Variants in PCDHA6 observed in about 807,000 individuals in gnomAD.
The protein encoded by PCDHA6 is protocadherin alpha 6.
Under a neutral mutation model 60.3 loss-of-function variants are expected in PCDHA6, and 55 were observed. The ratio of observed to expected loss-of-function variants is 0.91; its 90% confidence interval spans 0.73 to 1.14. The LOEUF is 1.14. Among genes scored for constraint, PCDHA6 ranks in the 50% most tolerant of loss-of-function variants. The pLI is 0.00. For missense variants in PCDHA6, 1,327 were observed against 1,256.5 expected (o/e 1.06, Z -0.85); for synonymous variants, 652 against 557.9 (o/e 1.17, Z -2.38).
At chr5:140,883,519 C>T (rs1554178517) in intron 1 of PCDHA6, 12 of 1,614,190 alleles carry the variant, frequency 7.4e-6, no homozygotes, top group Non-Finnish European at 1.0e-5. Flanking sequence ...ACCGCGAGAG[C>T]GTATCAGCCT....
intron 3 of PCDHA6, among the ~76,000 whole-genome samples, chr5:140,987,154 C>T (rs1404083891): frequency 6.6e-6 from 1 of 150,704 alleles, no homozygotes; most frequent in Non-Finnish European, 1.5e-5. Flanking sequence ...GTGGAGGTTG[C>T]AGTGAGCTGA....
Position 141,010,284 on chromosome 5 carries a change from A to G in PCDHA6, c.*347A>G. 6.4e-7 allele frequency: 1 copy of G among 1,551,156 alleles called. No homozygotes were observed. Among genetic ancestry groups the G allele is most frequent in the Non-Finnish European group, 8.7e-7 (1 of 1,146,860 alleles). On this transcript the variant is annotated 3_prime_UTR_variant, in exon 4 of 4. Coordinates refer to ENST00000529310, the MANE Select transcript of PCDHA6 (RefSeq NM_018909.4). ...GCTCCGGGGATCCTGTCTTGATGACACTTGCAGGGCAGGCTGAAAAGTTTT... is the reference window on the plus strand; with the variant it reads ...GCTCCGGGGATCCTGTCTTGATGACGCTTGCAGGGCAGGCTGAAAAGTTTT...
At chr5:140,854,461 G>A (rs1581342351) in intron 1 of PCDHA6, 1 of 149,954 alleles carries the variant, frequency 6.7e-6, no homozygotes, top group East Asian at 1.9e-4. Context: ...AGGCATTCCA[G>A]AGGAGTAGAG....
At chr5:140,917,357 C>G (rs2078163128) in intron 1 of PCDHA6, among the ~76,000 whole-genome samples, 1 of 146,268 alleles carries the variant, frequency 6.8e-6, no homozygotes, top group African/African-American at 2.5e-5. Context: ...GGCTTCTGTT[C>G]CACTATCTTG....
At chr5:140,858,173 C>G (rs782491809) in intron 1 of PCDHA6, 1 of 1,597,720 alleles carries the variant, frequency 6.3e-7, no homozygotes, top group Admixed American at 1.7e-5. Context: ...GTCCAGCTTG[C>G]TGGTGCTCAC....
At chr5:140,848,355 C>A in intron 1 of PCDHA6, 1 of 1,031,242 alleles carries the variant, frequency 9.7e-7, no homozygotes, top group Non-Finnish European at 1.4e-6. Context: ...GCCCTTTTCC[C>A]ATGGGAAAGA....
chr5:140,828,576 T>A lies in PCDHA6; in HGVS notation c.485T>A (p.Val162Asp), dbSNP rs1769834472. The change falls in exon 1 of 4, where the codon GTT becomes GAT. Residue 162 changes from valine to aspartate, a missense_variant. Transcript: ENST00000529310. The stretch of plus-strand genomic sequence containing the variant: ...CTGGAGGGCGCGTCCGATGCAGATG[T>A]TGGCTCAAATTCCATCTTAACCTAT... ...FPLEGASDAD[V>D]GSNSILTYKL... 1.2e-6 allele frequency: 2 copies of A among 1,614,230 alleles called. No individual in the cohort carries two copies. Among genetic ancestry groups the A allele is most frequent in the Non-Finnish European group, 1.7e-6 (2 of 1,180,048 alleles).
chr5:140,894,971 G>A (rs1231249838), intron 1 of PCDHA6, among the ~76,000 whole-genome samples: 1 of 152,010 alleles, frequency 6.6e-6, no homozygotes, highest in African/African-American at 2.4e-5. Context: ...ATTTTTTAAT[G>A]TCTTACTTTG....
At chr5:140,836,792 G>A (rs781818049) in intron 1 of PCDHA6, 3 of 1,416,344 alleles carry the variant, frequency 2.1e-6, no homozygotes, top group Non-Finnish European at 2.9e-6. Context: ...AGTTCAATTG[G>A]TCTCCTTAAA....
intron 1 of PCDHA6, chr5:140,869,517 A>G: frequency 6.2e-7 from 1 of 1,614,200 alleles, no homozygotes; most frequent in Non-Finnish European, 8.5e-7. Flanking sequence ...TCAGAGAACA[A>G]AAGCTGCTGA....
chr5:140,971,799 TTA>T (rs1435483264), intron 1 of PCDHA6, among the ~76,000 whole-genome samples: 2 of 152,164 alleles, frequency 1.3e-5, no homozygotes, highest in East Asian at 3.8e-4. Flanking sequence ...ATATTGAATA[TTA>T]TAATATTGAA....
At chr5:140,865,351 A>G (rs1452149063) in intron 1 of PCDHA6, 4 of 152,204 alleles carry the variant, frequency 2.6e-5, no homozygotes, top group African/African-American at 7.2e-5. Context: ...GTATATTTAC[A>G]TATTGCAGGA....
chr5:140,863,444 G>A, intron 1 of PCDHA6: 4 of 585,532 alleles, frequency 6.8e-6, no homozygotes, highest in South Asian at 2.8e-5. Context: ...GGTCTTACTC[G>A]CAGCAAAGGA....
At chr5:140,883,830 A>G in intron 1 of PCDHA6, 5 of 1,612,532 alleles carry the variant, frequency 3.1e-6, no homozygotes, top group Non-Finnish European at 4.2e-6. Context: ...TACGCGCTGC[A>G]GCCGTTGGAC....
At chr5:140,842,920 C>A (rs2150347865) in intron 1 of PCDHA6, 1 of 1,594,422 alleles carries the variant, frequency 6.3e-7, no homozygotes, top group Admixed American at 1.7e-5. Flanking sequence ...TGCTGCAGTT[C>A]CAGGTGAGCG....
At position 141,010,070 on chromosome 5, in the gene PCDHA6, C is replaced by A. The variant is rs1331011642; in HGVS notation, c.*133C>A. The A allele has an allele frequency of 3.7e-5, 60 of 1,605,422 alleles. No individual in the cohort carries two copies. Among genetic ancestry groups the A allele is most frequent in the Non-Finnish European group, 5.0e-5 (59 of 1,175,768 alleles). ...AGACCTCAGAAATCTGCAGAAAGTT[C>A]CCTGTGTCTGTCTAGAACGCATTTA... is the stretch of plus-strand genomic sequence containing the variant. On this transcript the variant is annotated 3_prime_UTR_variant, in exon 4 of 4. Coordinates refer to ENST00000529310, the MANE Select transcript of PCDHA6 (RefSeq NM_018909.4).
chr5:140,895,257 T>A (rs1180344268), intron 1 of PCDHA6, among the ~76,000 whole-genome samples: 8 of 152,212 alleles, frequency 5.3e-5, no homozygotes, highest in Non-Finnish European at 8.8e-5. Context: ...AGCTTTCTTT[T>A]TTTTCTTACT....
chr5:140,929,232 G>A lies in PCDHA6; in HGVS notation c.2395-49717G>A, dbSNP rs782109734. On this transcript the variant is annotated intron_variant, in intron 1 of 3. Coordinates refer to ENST00000529310, the MANE Select transcript of PCDHA6 (RefSeq NM_018909.4). ...GTGGGGAGTACAATGCTGCCGACCTGCGAAATCTTGCCACTGGGGTAGGAC... is the reference window on the plus strand; with the variant it reads ...GTGGGGAGTACAATGCTGCCGACCTACGAAATCTTGCCACTGGGGTAGGAC... 2.5e-6 allele frequency: 4 copies of A among 1,613,756 alleles called. No individual in the cohort carries two copies. In the Admixed American group the frequency reaches 5.0e-5, roughly 20 times the overall value.
rs1032045343 is a variant in PCDHA6 at position 140,949,549 on chromosome 5, G to A, written c.2395-29400G>A. On this transcript the variant is annotated intron_variant, in intron 1 of 3. Transcript: ENST00000529310. Reference sequence around the variant, plus strand: ...CTTCATAAAATATCGATTTGTTGCTGGTCATACTTTTTTTCTTGTAGTAGC... The same window carrying A: ...CTTCATAAAATATCGATTTGTTGCTAGTCATACTTTTTTTCTTGTAGTAGC... Among the ~76,000 whole-genome samples the A allele has an allele frequency of 2.0e-5, 3 of 151,684 alleles. No homozygotes were observed. In the South Asian group the frequency reaches 6.2e-4, roughly 31 times the overall value.
Sources: allele counts gnomAD v4.1 joint callset (sites outside exome capture counted in the v4.1 genomes callset), GRCh38; gene constraint gnomAD v4.1.1; transcripts MANE v1.5; gene names NCBI Gene and HGNC (gene_info 2026-07-23, HGNC 2026-07-21).